COLEC11: variants seen among roughly 807,000 people sequenced by gnomAD.
COLEC11 encodes the protein collectin subfamily member 11, also known as collectin-11.
Under a neutral mutation model 27.3 loss-of-function variants are expected in COLEC11, and 20 were observed. That is an observed-to-expected ratio of 0.73 (90% CI 0.51 to 1.06). The LOEUF is 1.06. COLEC11 is among the 50% of genes least tolerant of loss of function. COLEC11 has a pLI of 0.00. For missense variants in COLEC11, 310 were observed against 383.0 expected, an observed-to-expected ratio of 0.81 and a Z score of 1.59; for synonymous variants, 163 against 154.7, an observed-to-expected ratio of 1.05 and a Z score of -0.40.
chr2:3,612,082 G>C (rs1663239207), intron 2 of COLEC11, among the ~76,000 whole-genome samples: 1 of 152,078 alleles, frequency 6.6e-6, no homozygotes, highest in Admixed American at 6.5e-5. Context: ...TGCCCACAAA[G>C]GTGCAAATGG....
intron 5 of COLEC11, among the ~76,000 whole-genome samples, chr2:3,642,115 G>C (rs10165834): frequency 0.18 from 28,024 of 152,196 alleles, 7,919 homozygotes; most frequent in African/African-American, 0.61. Flanking sequence ...GTTGATTAGC[G>C]AGAGAAGACT....
At chr2:3,614,158 G>A (rs769163812) in intron 3 of COLEC11, among the ~76,000 whole-genome samples, 4 of 151,384 alleles carry the variant, frequency 2.6e-5, no homozygotes, top group Non-Finnish European at 4.4e-5. Context: ...GGTATTTTTA[G>A]TAGAGACTAG....
rs113532503 is a variant in COLEC11, at chr2:3,606,210, A to T, written c.130+1740A>T. ...CTGCCCAATGTGGTGGGTGCCTCCG[A>T]GTCCCTACGGTTGTCTTCCCTGCGC... On this transcript the variant is annotated intron_variant, in intron 2 of 6. Transcript: ENST00000349077. 28 of 1,550,438 alleles carry T rather than the reference A, an allele frequency of 1.8e-5. No homozygotes were observed. The African/African-American group carries it at 3.3e-4, about 18-fold the overall frequency.
intron 2 of COLEC11, among the ~76,000 whole-genome samples, chr2:3,611,284 A>G (rs1415698571): frequency 6.6e-6 from 1 of 152,190 alleles, no homozygotes; most frequent in Non-Finnish European, 1.5e-5. Context: ...AGGCCTCTTC[A>G]TCCTGGGTCA....
intron 5 of COLEC11, among the ~76,000 whole-genome samples, chr2:3,641,826 G>T (rs1665890394): frequency 1.3e-5 from 2 of 152,166 alleles, no homozygotes; most frequent in African/African-American, 4.8e-5. Context: ...AGACTGCAGG[G>T]TGGGCTGAGA....
chr2:3,632,832 G>A (rs371023046), intron 3 of COLEC11, among the ~76,000 whole-genome samples: 5 of 152,168 alleles, frequency 3.3e-5, no homozygotes, highest in South Asian at 2.1e-4. Context: ...GAGGGGCAGC[G>A]TCAGAGCACG....
At chr2:3,618,366 A>C (rs1663936862) in intron 3 of COLEC11, among the ~76,000 whole-genome samples, 2 of 152,148 alleles carry the variant, frequency 1.3e-5, no homozygotes, top group Admixed American at 1.3e-4. Context: ...GCTGATTTTT[A>C]TGTATGGTAT....
intron 5 of COLEC11, 37 bp downstream of exon 5, chr2:3,640,368 G>T: frequency 7.0e-6 from 9 of 1,291,130 alleles, no homozygotes; most frequent in African/African-American, 1.5e-5. Context: ...TTAATAAAAT[G>T]TATTAAAAAT....
At chr2:3,595,810 G>T (rs958164151) in intron 1 of COLEC11, among the ~76,000 whole-genome samples, 1 of 152,150 alleles carries the variant, frequency 6.6e-6, no homozygotes, top group Non-Finnish European at 1.5e-5. Flanking sequence ...AGGAACTGGC[G>T]GTCTTTTTAG....
chr2:3,637,503 G>A lies in COLEC11; in HGVS notation c.203-30G>A, dbSNP rs142412857. 822 of 1,603,052 alleles carry A rather than the reference G, an allele frequency of 5.1e-4. 2 individuals carry two copies. The African/African-American group carries it at 9.1e-3, about 18-fold the overall frequency. ...GAGGCCACGGTGTCACCTGTGCATC[G>A]ACCAACTTTGCTCTTATTGTTTTCT... On this transcript the variant is annotated intron_variant, in intron 3 of 6. Coordinates refer to ENST00000349077, the MANE Select transcript of COLEC11 (RefSeq NM_024027.5).
At chr2:3,620,039 T>C (rs1038323066) in intron 3 of COLEC11, among the ~76,000 whole-genome samples, 1 of 152,226 alleles carries the variant, frequency 6.6e-6, no homozygotes, top group African/African-American at 2.4e-5. Context: ...CTTGTATTGT[T>C]CTTGTCTGGC....
intron 3 of COLEC11, among the ~76,000 whole-genome samples, chr2:3,626,288 A>G (rs1333632091): frequency 6.6e-6 from 1 of 152,264 alleles, no homozygotes; most frequent in Non-Finnish European, 1.5e-5. Flanking sequence ...AGCAGTGCAG[A>G]GACCACAGAC....
At chr2:3,600,188 T>C (rs1213364379) in intron 1 of COLEC11, among the ~76,000 whole-genome samples, 5 of 145,412 alleles carry the variant, frequency 3.4e-5, no homozygotes, top group Non-Finnish European at 7.4e-5. Context: ...TGAGCTGAGA[T>C]CGAGCCACTG....
At chr2:3,606,040 C>T in intron 2 of COLEC11, 4 of 1,544,760 alleles carry the variant, frequency 2.6e-6, no homozygotes, top group Non-Finnish European at 3.5e-6. Flanking sequence ...TGTTGGATGC[C>T]TACGGCTCTC....
At chr2:3,632,556 T>C (rs1665099375) in intron 3 of COLEC11, among the ~76,000 whole-genome samples, 1 of 152,232 alleles carries the variant, frequency 6.6e-6, no homozygotes, top group Admixed American at 6.5e-5. Context: ...ACAGTCCTGT[T>C]GGACCAGGGC....
At chr2:3,604,560 C>A (rs769830073) in intron 2 of COLEC11, 90 bp downstream of exon 2, 57 of 1,426,988 alleles carry the variant, frequency 4.0e-5, no homozygotes, top group Non-Finnish European at 5.1e-5. Flanking sequence ...CACGGAAAAG[C>A]ACAAAGCCCC....
intron 1 of COLEC11, among the ~76,000 whole-genome samples, chr2:3,597,464 C>T (rs1175737910): frequency 6.6e-6 from 1 of 152,048 alleles, no homozygotes; most frequent in East Asian, 1.9e-4. Flanking sequence ...AGTGAAGGCA[C>T]GAGAAATCCT....
chr2:3,625,625 C>CGTTTTTTTTTTT (rs1664494285), intron 3 of COLEC11, among the ~76,000 whole-genome samples: 1 of 91,460 alleles, frequency 1.1e-5, no homozygotes, highest in African/African-American at 4.8e-5. Context: ...TTCTTTTTTA[C>CGTTTTTTTTTTT]TTTTTTTTTT....
intron 4 of COLEC11, among the ~76,000 whole-genome samples, chr2:3,639,325 C>T (rs770198060): frequency 3.3e-4 from 51 of 152,326 alleles, no homozygotes; most frequent in Non-Finnish European, 5.0e-4. Flanking sequence ...GGGCAGATTC[C>T]GGCATCTCCT....
Sources: gnomAD v4.1 joint callset for allele counts (sites outside exome capture counted in the v4.1 genomes callset) on GRCh38, gnomAD v4.1.1 for gene constraint, MANE v1.5 for transcripts, NCBI Gene and HGNC (gene_info 2026-07-23, HGNC 2026-07-21) for gene names.